Variants in RTN1 observed in about 807,000 individuals in gnomAD.
RTN1 encodes the protein reticulon 1.
In RTN1, 25 loss-of-function variants were observed where a neutral mutation model predicts 65.5. The ratio of observed to expected loss-of-function variants is 0.38; its 90% CI spans 0.28 to 0.53. RTN1 has a LOEUF of 0.53. Ranked by LOEUF, RTN1 falls within the 20% of genes least tolerant of loss-of-function variation. RTN1 has a pLI of 0.79. For synonymous variants in RTN1, 471 were observed against 447.6 expected, an observed-to-expected ratio of 1.05 and a Z score of -0.66; for missense variants, 983 against 1,025.4, an observed-to-expected ratio of 0.96 and a Z score of 0.57.
chr14:59,599,104 A>G (rs1433929911), intron 8 of RTN1, among the ~76,000 whole-genome samples: 2 of 152,214 alleles, frequency 1.3e-5, no homozygotes, highest in African/African-American at 4.8e-5. Flanking sequence ...AAGATGCTTC[A>G]GCACATCATT....
chr14:59,607,810 T>C (rs1341848484), intron 3 of RTN1, among the ~76,000 whole-genome samples: 1 of 152,036 alleles, frequency 6.6e-6, no homozygotes, highest in Non-Finnish European at 1.5e-5. Context: ...TTATGTGACT[T>C]TGAAACAAAC....
chr14:59,658,038 G>A (rs1883159669), intron 3 of RTN1, among the ~76,000 whole-genome samples: 1 of 152,206 alleles, frequency 6.6e-6, no homozygotes, highest in African/African-American at 2.4e-5. Context: ...AGTCGACCTG[G>A]GACGCTTCAG....
chr14:59,686,800 T>A (rs946802080), intron 3 of RTN1, among the ~76,000 whole-genome samples: 6 of 152,148 alleles, frequency 3.9e-5, no homozygotes, highest in Admixed American at 2.6e-4. Context: ...GGAAATGCTA[T>A]GAGGGAAAGA....
Position 59,621,145 on chromosome 14 carries a change from C to G in RTN1, c.1766-13653G>C, listed in dbSNP as rs542927065. On this transcript the variant is annotated intron_variant, in intron 3 of 8. Transcript: ENST00000267484. ...GTAGGAAGCTTTATACTACCCAATC[C>G]AGAAAAGTAGGTATTTGAATAAAGT... is the stretch of plus-strand genomic sequence containing the variant. 7.2e-5 allele frequency among the ~76,000 whole-genome samples: 11 copies of G among 152,284 alleles called. No homozygotes were observed. The South Asian group carries it at 2.3e-3, about 32-fold the overall frequency.
At chr14:59,831,675 C>G (rs565943725) in intron 1 of RTN1, among the ~76,000 whole-genome samples, 1 of 152,204 alleles carries the variant, frequency 6.6e-6, no homozygotes, top group African/African-American at 2.4e-5. Flanking sequence ...CCCTACATCT[C>G]TTTTTCATTC....
Position 59,826,253 on chromosome 14 carries a change from C to T in RTN1, c.241+44137G>A, listed in dbSNP as rs187731697. ...CCAGCTGTACCACTAAACTAGATAA[C>T]CTTTGGAAAGTGAAACTCTCTGTGC... On this transcript the variant is annotated intron_variant, in intron 1 of 8. Transcript: ENST00000267484. Among the ~76,000 whole-genome samples, 3 of 152,278 alleles carry T rather than the reference C, an allele frequency of 2.0e-5. No individual in the cohort carries two copies. In the East Asian group the frequency reaches 5.8e-4, roughly 29 times the overall value.
intron 3 of RTN1, among the ~76,000 whole-genome samples, chr14:59,710,609 A>T (rs1348748210): frequency 6.6e-6 from 1 of 152,226 alleles, no homozygotes; most frequent in Non-Finnish European, 1.5e-5. Flanking sequence ...GGGAACAAAG[A>T]TGCTGAGTGC....
At chr14:59,756,696 CAATGCTATGTAT>C (rs1214400529) in intron 1 of RTN1, among the ~76,000 whole-genome samples, 1 of 152,154 alleles carries the variant, frequency 6.6e-6, no homozygotes, top group Non-Finnish European at 1.5e-5. Flanking sequence ...CAGATTCCCT[CAATGCTATGTAT>C]AACATGGATA....
At chr14:59,791,474 G>A (rs779858447) in intron 1 of RTN1, among the ~76,000 whole-genome samples, 12 of 152,114 alleles carry the variant, frequency 7.9e-5, no homozygotes, top group Non-Finnish European at 1.6e-4. Context: ...CTCATTCCCC[G>A]TTTGACAAGG....
At position 59,742,238 on chromosome 14, in the gene RTN1, G is replaced by T. The variant is rs537693564; in HGVS notation, c.1015+3470C>A. On this transcript the variant is annotated intron_variant, in intron 2 of 8. Transcript: ENST00000267484. ...CTCATTTCTTCTTGAGGGAAACTGG[G>T]GTGTTTTAAGGATGACTTCCTGATT... Among the ~76,000 whole-genome samples the T allele has an allele frequency of 9.1e-4, 138 of 152,168 alleles. 1 individual carries two copies. Among genetic ancestry groups the T allele is most frequent in the African/African-American group, 3.1e-3 (130 of 41,508 alleles).
At chr14:59,798,060 T>A (rs1886471337) in intron 1 of RTN1, among the ~76,000 whole-genome samples, 1 of 152,184 alleles carries the variant, frequency 6.6e-6, no homozygotes, top group Non-Finnish European at 1.5e-5. Flanking sequence ...ATTCTTAGCA[T>A]CCTCTTATCC....
At chr14:59,624,627 AG>A in intron 3 of RTN1, among the ~76,000 whole-genome samples, 1 of 151,890 alleles carries the variant, frequency 6.6e-6, no homozygotes, top group South Asian at 2.1e-4. Context: ...ACGCCTGACT[AG>A]TTTTTGTATT....
chr14:59,677,879 C>T (rs1883660214), intron 3 of RTN1, among the ~76,000 whole-genome samples: 1 of 152,124 alleles, frequency 6.6e-6, no homozygotes. Flanking sequence ...TTTAGCTTTG[C>T]AAGGAAATTT....
At chr14:59,601,652 A>C (rs1881582176) in intron 8 of RTN1, among the ~76,000 whole-genome samples, 1 of 152,166 alleles carries the variant, frequency 6.6e-6, no homozygotes, top group Non-Finnish European at 1.5e-5. Flanking sequence ...TTAGGTCTAG[A>C]ACTTCTATCT....
intron 3 of RTN1, among the ~76,000 whole-genome samples, chr14:59,677,711 A>G (rs921274167): frequency 4.6e-5 from 7 of 152,212 alleles, no homozygotes; most frequent in Non-Finnish European, 8.8e-5. Context: ...ATGGAAAACC[A>G]TTGTACGTTG....
At position 59,698,755 on chromosome 14, in the gene RTN1, C is replaced by T. The variant is rs116704031; in HGVS notation, c.1765+28164G>A. On this transcript the variant is annotated intron_variant, in intron 3 of 8. Coordinates refer to ENST00000267484, the MANE Select transcript of RTN1 (RefSeq NM_021136.3). ...GTCTCAGGTATGTCTTTATCAGCAG[C>T]GCAAAAATGGACTAATACCTAAGGC... is the stretch of plus-strand genomic sequence containing the variant. 7.4e-3 allele frequency among the ~76,000 whole-genome samples: 1,126 copies of T among 152,176 alleles called. 12 individuals carry two copies. Among genetic ancestry groups the T allele is most frequent in the African/African-American group, 0.026 (1,065 of 41,518 alleles).
intron 2 of RTN1, among the ~76,000 whole-genome samples, chr14:59,728,534 C>A (rs1328535172): frequency 6.6e-6 from 1 of 152,062 alleles, no homozygotes; most frequent in Admixed American, 6.5e-5. Flanking sequence ...GCTGAGCTTT[C>A]CCTCCCATAG....
At chr14:59,792,565 G>A (rs1450135349) in intron 1 of RTN1, among the ~76,000 whole-genome samples, 2 of 152,048 alleles carry the variant, frequency 1.3e-5, no homozygotes, top group East Asian at 3.8e-4. Flanking sequence ...TTAAAGGAGG[G>A]CCAACATCAA....
At chr14:59,756,848 T>TA (rs67230621) in intron 1 of RTN1, among the ~76,000 whole-genome samples, 2 of 127,466 alleles carry the variant, frequency 1.6e-5, no homozygotes, top group Admixed American at 1.4e-4. Flanking sequence ...TTTGTTTTTT[T>TA]TTTTTTGTCT....
Sources: gnomAD v4.1 joint callset for allele counts (sites outside exome capture counted in the v4.1 genomes callset) on GRCh38, gnomAD v4.1.1 for gene constraint, MANE v1.5 for transcripts, NCBI Gene and HGNC (gene_info 2026-07-23, HGNC 2026-07-21) for gene names.